The following SMARCAD1 variants were observed in gnomAD, a reference collection of about 807,000 sequenced individuals.
SMARCAD1 encodes SNF2 related chromatin remodeling ATPase with DExD box 1, also known as SWI/SNF-related matrix-associated actin-dependent regulator of chromatin subfamily A containing DEAD/H box 1.
In SMARCAD1, 25 loss-of-function variants were observed where a neutral mutation model predicts 127.1. The ratio of observed to expected loss-of-function variants is 0.20; its 90% confidence interval spans 0.14 to 0.27. SMARCAD1 has a LOEUF of 0.27. Ranked by LOEUF, SMARCAD1 falls within the 10% of genes least tolerant of loss-of-function variation. The pLI, the probability that SMARCAD1 is intolerant of heterozygous loss-of-function variation, is 1.00. For synonymous variants in SMARCAD1, 400 were observed against 396.9 expected, an observed-to-expected ratio of 1.01 and a Z score of -0.09; for missense variants, 807 against 1,206.0, an observed-to-expected ratio of 0.67 and a Z score of 4.90.
chr4:94,262,671 T>G (rs1751173919), intron 9 of SMARCAD1, among the ~76,000 whole-genome samples: 1 of 152,168 alleles, frequency 6.6e-6, no homozygotes, highest in Non-Finnish European at 1.5e-5. Context: ...ATTAAAACAG[T>G]TCTTTTATTA....
intron 14 of SMARCAD1, among the ~76,000 whole-genome samples, chr4:94,275,796 C>CTTTTATTTTTTTTT (rs1553920714): frequency 1.2e-5 from 1 of 85,410 alleles, no homozygotes; most frequent in African/African-American, 3.7e-5. Flanking sequence ...TTAACATTTT[C>CTTTTATTTTTTTTT]TTTTTTTTTT....
chr4:94,276,892 C>T, intron 15 of SMARCAD1, 130 bp from the exon 16 acceptor site: 2 of 958,950 alleles, frequency 2.1e-6, no homozygotes, highest in South Asian at 1.5e-5. Context: ...TATCATTTAT[C>T]ACAGAATGTT....
At chr4:94,223,107 T>G (rs1437598017) in intron 2 of SMARCAD1, among the ~76,000 whole-genome samples, 1 of 152,126 alleles carries the variant, frequency 6.6e-6, no homozygotes, top group African/African-American at 2.4e-5. Context: ...CTAATTAAAT[T>G]TTTAGACCCC....
At chr4:94,279,098 G>T in intron 19 of SMARCAD1, 48 bp downstream of exon 19, 3 of 1,610,868 alleles carry the variant, frequency 1.9e-6, no homozygotes, top group Non-Finnish European at 1.7e-6. Context: ...AAGAGGTTAA[G>T]TTGTTAGGCT....
At chr4:94,209,013 A>C (rs17374964) in intron 2 of SMARCAD1, among the ~76,000 whole-genome samples, 21,915 of 152,210 alleles carry the variant, frequency 0.14, 1,802 homozygotes, top group Non-Finnish European at 0.19. Context: ...ACCTCTGTAC[A>C]CAAGGGAAGA....
chr4:94,253,037 ATG>A (rs767451718), intron 9 of SMARCAD1, 30 bp downstream of exon 9: 3 of 1,605,540 alleles, frequency 1.9e-6, no homozygotes, highest in Non-Finnish European at 1.7e-6. Flanking sequence ...TTCCCCTTGT[ATG>A]TGTGTGTGTA....
intron 2 of SMARCAD1, among the ~76,000 whole-genome samples, chr4:94,221,899 C>T (rs1415683516): frequency 6.6e-6 from 1 of 152,074 alleles, no homozygotes; most frequent in Non-Finnish European, 1.5e-5. Context: ...AGACAAAGAG[C>T]AATAAATTTG....
intron 4 of SMARCAD1, among the ~76,000 whole-genome samples, chr4:94,236,542 C>T (rs1746683401): frequency 6.6e-6 from 1 of 152,006 alleles, no homozygotes; most frequent in African/African-American, 2.4e-5. Context: ...GTCTGTCAGT[C>T]TCCTCTTTCC....
intron 19 of SMARCAD1, among the ~76,000 whole-genome samples, chr4:94,279,516 A>G (rs1346347063): frequency 6.6e-6 from 1 of 152,248 alleles, no homozygotes; most frequent in Non-Finnish European, 1.5e-5. Context: ...AACCTACATT[A>G]TAAGTCAGCA....
intron 12 of SMARCAD1, 54 bp from the exon 13 acceptor site, chr4:94,274,684 A>T (rs1753016173): frequency 6.7e-7 from 1 of 1,487,360 alleles, no homozygotes; most frequent in African/African-American, 1.4e-5. Context: ...TAATTTAACC[A>T]TGTGAACATA....
rs1560541334 is a variant in SMARCAD1 at position 94,252,852 on chromosome 4, A to G, written c.1126A>G (p.Ser376Gly). Residue 376 changes from serine (S) to glycine (G), a missense_variant, in exon 9 of 24, where the codon AGT becomes GGT. Physicochemically the swap from Ser to Gly is moderately conservative, Grantham distance 56. Transcript: ENST00000354268. ...TAGTTCACTAGATGAGGACTATAGTAGTGGTGAAGAAGTGATGGAGGATGG... is the reference window on the plus strand; with the variant it reads ...TAGTTCACTAGATGAGGACTATAGTGGTGGTGAAGAAGTGATGGAGGATGG... ...VGSSLDEDYS[S>G]GEEVMEDGYK... 11 of 1,614,112 alleles carry G rather than the reference A, an allele frequency of 6.8e-6. No individual in the cohort carries two copies. Among genetic ancestry groups the G allele is most frequent in the Non-Finnish European group, 9.3e-6 (11 of 1,179,990 alleles).
intron 9 of SMARCAD1, among the ~76,000 whole-genome samples, chr4:94,255,111 A>G (rs1749865526): frequency 6.6e-6 from 1 of 152,092 alleles, no homozygotes; most frequent in African/African-American, 2.4e-5. Flanking sequence ...TGCCATATTT[A>G]GAAATTTCCT....
At position 94,246,141 on chromosome 4, in the gene SMARCAD1, A is replaced by G. The variant is rs183481415; in HGVS notation, c.706-3513A>G. ...CTTTTTTTTTTTTTTTTCTTTTGAG[A>G]TGGAGTCTCGCACTGTTGTCTGGGC... On this transcript the variant is annotated intron_variant, in intron 6 of 23. Transcript: ENST00000354268. Among the ~76,000 whole-genome samples, 138 of 143,546 alleles carry G rather than the reference A, an allele frequency of 9.6e-4. 2 individuals are homozygous for G. The East Asian group carries it at 0.027, about 28-fold the overall frequency. The allele number at this position is 143,546 out of a possible 152,430, so 94.2% of individuals were successfully genotyped here. A position where few individuals can be genotyped will look rare whatever the true frequency, so the allele number is the denominator to read the frequency against.
chr4:94,238,634 AAAG>A (rs969912689), intron 5 of SMARCAD1, among the ~76,000 whole-genome samples: 1 of 152,214 alleles, frequency 6.6e-6, no homozygotes, highest in African/African-American at 2.4e-5. Flanking sequence ...AGAAAGAAAG[AAAG>A]AAAAAACCTC....
chr4:94,267,387 T>C lies in SMARCAD1; in HGVS notation c.1481+2481T>C, dbSNP rs369873703. On this transcript the variant is annotated intron_variant, in intron 10 of 23. Coordinates refer to ENST00000354268, the MANE Select transcript of SMARCAD1 (RefSeq NM_020159.5). ...CATGTCATACTTACGGGACATAAAC[T>C]TTTGGTCGGACAGCATCCGTAACCT... is the stretch of plus-strand genomic sequence containing the variant. 1.8e-4 allele frequency among the ~76,000 whole-genome samples: 27 copies of C among 152,286 alleles called. No individual in the cohort carries two copies. In the South Asian group the frequency reaches 2.9e-3, roughly 16 times the overall value.
At chr4:94,262,573 C>T (rs1196669051) in intron 9 of SMARCAD1, among the ~76,000 whole-genome samples, 2 of 152,138 alleles carry the variant, frequency 1.3e-5, no homozygotes, top group Non-Finnish European at 2.9e-5. Context: ...CAGTTTAGAA[C>T]GCATTAAAAT....
At chr4:94,283,024 C>CT in intron 21 of SMARCAD1, 97 bp from the exon 22 acceptor site, 1 of 1,008,276 alleles carries the variant, frequency 9.9e-7, no homozygotes, top group Non-Finnish European at 1.5e-6. Context: ...GTACATACAT[C>CT]TTCAGGTTTC....
At chr4:94,283,455 C>G (rs888159017) in intron 22 of SMARCAD1, 152 bp downstream of exon 22, 1 of 703,918 alleles carries the variant, frequency 1.4e-6, no homozygotes, top group African/African-American at 1.8e-5. Context: ...TGTTGAACAT[C>G]AACTGCACTA....
At chr4:94,275,694 A>G (rs530697509) in intron 14 of SMARCAD1, among the ~76,000 whole-genome samples, 1 of 152,232 alleles carries the variant, frequency 6.6e-6, no homozygotes, top group East Asian at 1.9e-4. Context: ...TTTTGTGCTT[A>G]TTAAAATATA....
Sources: gnomAD v4.1 joint callset for allele counts (sites outside exome capture counted in the v4.1 genomes callset) on GRCh38, gnomAD v4.1.1 for gene constraint, MANE v1.5 for transcripts, NCBI Gene and HGNC (gene_info 2026-07-23, HGNC 2026-07-21) for gene names.